LUZP2: variants seen among roughly 807,000 people sequenced by gnomAD.
LUZP2 encodes the protein leucine zipper protein 2.
LUZP2 carries 52 observed loss-of-function variants against 51.6 expected under a neutral mutation model. The ratio of observed to expected loss-of-function variants is 1.01; its 90% CI spans 0.81 to 1.27. The LOEUF (loss-of-function observed/expected upper bound fraction) is 1.27. LUZP2 is among the 50% of genes most tolerant of loss of function. The pLI is 0.00. For synonymous variants in LUZP2, 154 were observed against 137.3 expected, an observed-to-expected ratio of 1.12 and a Z score of -0.85; for missense variants, 436 against 395.4, an observed-to-expected ratio of 1.10 and a Z score of -0.87.
rs116471035 is a variant in LUZP2 at position 24,665,524 on chromosome 11, G to A, written c.63-63645G>A. On this transcript the variant is annotated intron_variant, in intron 1 of 11. Transcript: ENST00000336930. ...AGAATAATATACTTTGGCTATGTCC[G>A]CATCCAAATCTCATCTTGAATTGTA... Among the ~76,000 whole-genome samples, 9 of 152,196 alleles carry A rather than the reference G, an allele frequency of 5.9e-5. No individual in the cohort carries two copies. In the South Asian group the frequency reaches 1.0e-3, roughly 18 times the overall value.
intron 1 of LUZP2, among the ~76,000 whole-genome samples, chr11:24,655,060 A>T (rs1367717786): frequency 6.6e-6 from 1 of 152,134 alleles, no homozygotes; most frequent in Admixed American, 6.5e-5. Flanking sequence ...TTGCAGAAAA[A>T]ATAAGGTTTA....
intron 1 of LUZP2, among the ~76,000 whole-genome samples, chr11:24,504,139 T>C (rs1391905879): frequency 6.6e-6 from 1 of 152,186 alleles, no homozygotes; most frequent in African/African-American, 2.4e-5. Context: ...GGTGATATTT[T>C]TGGTGCCTTT....
At chr11:24,957,570 A>C (rs1388315379) in intron 7 of LUZP2, among the ~76,000 whole-genome samples, 1 of 152,052 alleles carries the variant, frequency 6.6e-6, no homozygotes. Flanking sequence ...TGTTTCAGAG[A>C]CTACATATAA....
intron 7 of LUZP2, among the ~76,000 whole-genome samples, chr11:24,953,383 G>C (rs1855130709): frequency 6.6e-6 from 1 of 151,782 alleles, no homozygotes; most frequent in South Asian, 2.1e-4. Context: ...TATTTCCACT[G>C]ACTTAATCCC....
chr11:24,997,638 T>C (rs1202441284), intron 9 of LUZP2, among the ~76,000 whole-genome samples: 1 of 152,008 alleles, frequency 6.6e-6, no homozygotes, highest in East Asian at 1.9e-4. Flanking sequence ...ATCCCATTTG[T>C]CAATTTTGGC....
chr11:24,901,247 T>C (rs1359235270), intron 5 of LUZP2, among the ~76,000 whole-genome samples: 1 of 151,962 alleles, frequency 6.6e-6, no homozygotes, highest in East Asian at 1.9e-4. Flanking sequence ...ATGCTTCATA[T>C]TGGCCAAAGG....
intron 1 of LUZP2, among the ~76,000 whole-genome samples, chr11:24,590,214 A>G (rs563918315): frequency 1.3e-5 from 2 of 152,156 alleles, no homozygotes; most frequent in Non-Finnish European, 2.9e-5. Context: ...CTGAATTGTG[A>G]CTTGTCATTC....
intron 1 of LUZP2, among the ~76,000 whole-genome samples, chr11:24,726,553 G>T (rs1858484423): frequency 6.6e-6 from 1 of 151,528 alleles, no homozygotes; most frequent in Non-Finnish European, 1.5e-5. Flanking sequence ...TTAACATGTT[G>T]ACTTTTAGTG....
chr11:24,990,258 A>G (rs1856299992), intron 9 of LUZP2, among the ~76,000 whole-genome samples: 4 of 152,136 alleles, frequency 2.6e-5, no homozygotes, highest in African/African-American at 7.2e-5. Context: ...AAGTTTTCCA[A>G]CTGTTTAAAC....
chr11:24,614,902 A>G (rs549572713), intron 1 of LUZP2, among the ~76,000 whole-genome samples: 121 of 152,062 alleles, frequency 8.0e-4, no homozygotes, highest in South Asian at 1.7e-3. Context: ...GCATATTTCT[A>G]TCACAAGCAT....
intron 9 of LUZP2, among the ~76,000 whole-genome samples, chr11:25,019,083 T>C (rs1857252439): frequency 6.6e-6 from 1 of 152,350 alleles, no homozygotes; most frequent in African/African-American, 2.4e-5. Flanking sequence ...TGAACTACCT[T>C]GACACATCAC....
At chr11:24,981,192 G>T (rs1198214958) in intron 8 of LUZP2, among the ~76,000 whole-genome samples, 1 of 151,794 alleles carries the variant, frequency 6.6e-6, no homozygotes. Flanking sequence ...AGCCAAACCT[G>T]AGTAGTATGA....
chr11:24,746,645 T>G (rs1409854646), intron 4 of LUZP2, among the ~76,000 whole-genome samples: 3 of 152,190 alleles, frequency 2.0e-5, no homozygotes, highest in Non-Finnish European at 4.4e-5. Flanking sequence ...CCAAATAGGT[T>G]TTCCAAACTT....
intron 7 of LUZP2, among the ~76,000 whole-genome samples, chr11:24,920,612 A>G (rs1854017556): frequency 6.6e-6 from 1 of 152,104 alleles, no homozygotes; most frequent in South Asian, 2.1e-4. Flanking sequence ...ACTATAAAAA[A>G]TAAAATCATG....
chr11:24,746,035 C>A (rs1266455537), intron 4 of LUZP2, among the ~76,000 whole-genome samples: 2 of 152,116 alleles, frequency 1.3e-5, no homozygotes, highest in Non-Finnish European at 2.9e-5. Flanking sequence ...GGCCATTTAC[C>A]ATCAATGTTC....
intron 5 of LUZP2, among the ~76,000 whole-genome samples, chr11:24,789,835 C>A (rs1849359619): frequency 6.6e-6 from 1 of 152,172 alleles, no homozygotes. Context: ...TTCATGAGGG[C>A]TCTATCCTCA....
intron 5 of LUZP2, among the ~76,000 whole-genome samples, chr11:24,897,145 C>T (rs1198068245): frequency 6.6e-6 from 1 of 151,336 alleles, no homozygotes; most frequent in Non-Finnish European, 1.5e-5. Flanking sequence ...CACCAATCAG[C>T]ACTCTGTGTC....
chr11:24,997,201 T>A (rs1171612846), intron 9 of LUZP2, among the ~76,000 whole-genome samples: 2 of 151,442 alleles, frequency 1.3e-5, no homozygotes, highest in Non-Finnish European at 3.0e-5. Context: ...CACACTGACT[T>A]CCACAATGGT....
chr11:24,794,595 A>G (rs1288019375), intron 5 of LUZP2, among the ~76,000 whole-genome samples: 1 of 152,184 alleles, frequency 6.6e-6, no homozygotes, highest in Non-Finnish European at 1.5e-5. Context: ...CTGACACTTT[A>G]GAATGAGACA....
Sources: gnomAD v4.1 joint callset for allele counts (sites outside exome capture counted in the v4.1 genomes callset) on GRCh38, gnomAD v4.1.1 for gene constraint, MANE v1.5 for transcripts, NCBI Gene and HGNC (gene_info 2026-07-23, HGNC 2026-07-21) for gene names.